The following SPIDR variants were observed in gnomAD, a reference collection of about 807,000 sequenced individuals.
SPIDR encodes the protein scaffold protein involved in DNA repair.
In SPIDR, 93 loss-of-function variants were observed where a neutral mutation model predicts 104.6. That is an observed-to-expected ratio of 0.89 (90% CI 0.75 to 1.06). The LOEUF is 1.06. Among genes scored for constraint, SPIDR ranks in the 50% least tolerant of loss-of-function variants. The pLI, the probability that SPIDR is intolerant of heterozygous loss-of-function variation, is 0.00. For synonymous variants in SPIDR, 431 were observed against 416.9 expected, an observed-to-expected ratio of 1.03 and a Z score of -0.41; for missense variants, 1,154 against 1,111.2, an observed-to-expected ratio of 1.04 and a Z score of -0.55.
At chr8:47,462,232 C>T (rs111955932) in intron 8 of SPIDR, among the ~76,000 whole-genome samples, 3,555 of 152,160 alleles carry the variant, frequency 0.023, 62 homozygotes, top group Non-Finnish European at 0.034. Flanking sequence ...CGACTAGTAC[C>T]GAGGGTTGTC....
intron 8 of SPIDR, among the ~76,000 whole-genome samples, chr8:47,443,720 G>A (rs1486675971): frequency 1.3e-5 from 2 of 149,942 alleles, no homozygotes; most frequent in African/African-American, 4.9e-5. Context: ...TTTCCCACTA[G>A]CACCCTTCTG....
chr8:47,578,998 ATTATCT>A (rs1479514367), intron 8 of SPIDR, among the ~76,000 whole-genome samples: 2 of 152,216 alleles, frequency 1.3e-5, no homozygotes, highest in Middle Eastern at 3.2e-3. Flanking sequence ...TATTTCTGAA[ATTATCT>A]TTATGCTTCA....
Position 47,652,670 on chromosome 8 carries a change from G to A in SPIDR, c.1545-21131G>A, listed in dbSNP as rs1169698867. On this transcript the variant is annotated intron_variant, in intron 10 of 19. Transcript: ENST00000297423. ...TTGTTTCTAAAACAGGTTTTCTTAG[G>A]ATTGCAGAATTTACAAAATTACCAT... is the stretch of plus-strand genomic sequence containing the variant. Among the ~76,000 whole-genome samples, 3 of 152,270 alleles carry A rather than the reference G, an allele frequency of 2.0e-5. No homozygotes were observed. In the East Asian group the frequency reaches 5.8e-4, roughly 29 times the overall value.
intron 5 of SPIDR, among the ~76,000 whole-genome samples, chr8:47,368,699 C>T (rs1384522142): frequency 6.6e-6 from 1 of 152,144 alleles, no homozygotes; most frequent in Non-Finnish European, 1.5e-5. Flanking sequence ...TTGTTAATAT[C>T]ACTAATAACT....
chr8:47,713,653 T>G lies in SPIDR; in HGVS notation c.2341+12T>G. 1 of 1,613,760 alleles carries G rather than the reference T, an allele frequency of 6.2e-7. No individual in the cohort carries two copies. Among genetic ancestry groups the G allele is most frequent in the African/African-American group, 1.3e-5 (1 of 75,044 alleles). On this transcript the variant is annotated intron_variant, in intron 16 of 19. Coordinates refer to ENST00000297423, the MANE Select transcript of SPIDR (RefSeq NM_001080394.4). Reference sequence around the variant, plus strand: ...CTGCAGTGTTCAAGGTAGGCAGCCATCTCACAGGAATTGGTGCTTATACTT... The same window carrying G: ...CTGCAGTGTTCAAGGTAGGCAGCCAGCTCACAGGAATTGGTGCTTATACTT...
chr8:47,586,316 A>G (rs2060246035), intron 8 of SPIDR, among the ~76,000 whole-genome samples: 1 of 152,196 alleles, frequency 6.6e-6, no homozygotes, highest in South Asian at 2.1e-4. Flanking sequence ...TCCAAAAGAA[A>G]AAAACTGCCA....
At chr8:47,669,883 C>T (rs2075564458) in intron 10 of SPIDR, among the ~76,000 whole-genome samples, 2 of 152,088 alleles carry the variant, frequency 1.3e-5, no homozygotes, top group Non-Finnish European at 2.9e-5. Flanking sequence ...ACCTATAGTC[C>T]CAGCTACTCG....
chr8:47,489,856 A>T (rs1273948102), intron 8 of SPIDR, among the ~76,000 whole-genome samples: 1 of 152,084 alleles, frequency 6.6e-6, no homozygotes, highest in African/African-American at 2.4e-5. Context: ...TTAATTCAAG[A>T]TGGATTAAAG....
intron 5 of SPIDR, among the ~76,000 whole-genome samples, chr8:47,369,132 A>C (rs368028880): frequency 6.6e-6 from 1 of 152,182 alleles, no homozygotes; most frequent in African/African-American, 2.4e-5. Flanking sequence ...ATGAAGAGAA[A>C]TGTGACTAAG....
At chr8:47,462,094 T>C (rs2074037829) in intron 8 of SPIDR, among the ~76,000 whole-genome samples, 1 of 152,146 alleles carries the variant, frequency 6.6e-6, no homozygotes, top group African/African-American at 2.4e-5. Context: ...GATTCTTTTG[T>C]CCCACAGGAT....
intron 5 of SPIDR, among the ~76,000 whole-genome samples, chr8:47,335,420 C>A (rs1482204437): frequency 1.3e-5 from 2 of 151,938 alleles, no homozygotes; most frequent in Non-Finnish European, 2.9e-5. Context: ...CACAACAGTT[C>A]ATTCTTTGTT....
chr8:47,303,301 G>A (rs958624907), intron 5 of SPIDR, among the ~76,000 whole-genome samples: 1 of 152,222 alleles, frequency 6.6e-6, no homozygotes, highest in Non-Finnish European at 1.5e-5. Flanking sequence ...GAAAAGCGCA[G>A]TATTAGGGTT....
chr8:47,482,845 G>T (rs1554728113), intron 8 of SPIDR, among the ~76,000 whole-genome samples: 1 of 151,710 alleles, frequency 6.6e-6, no homozygotes, highest in Non-Finnish European at 1.5e-5. Flanking sequence ...GTTTTGTTTT[G>T]TTTTGTTTGA....
At chr8:47,345,639 T>C (rs2051805529) in intron 5 of SPIDR, among the ~76,000 whole-genome samples, 4 of 152,210 alleles carry the variant, frequency 2.6e-5, no homozygotes, top group Admixed American at 2.6e-4. Context: ...TTTATTTCAT[T>C]GAGCAGTGGT....
chr8:47,705,344 C>G (rs2080927970), intron 14 of SPIDR, among the ~76,000 whole-genome samples: 1 of 152,132 alleles, frequency 6.6e-6, no homozygotes, highest in Non-Finnish European at 1.5e-5. Flanking sequence ...GCATGTGTGC[C>G]TAGGAATCAG....
At chr8:47,453,414 T>C (rs2072278967) in intron 8 of SPIDR, among the ~76,000 whole-genome samples, 1 of 152,136 alleles carries the variant, frequency 6.6e-6, no homozygotes, top group African/African-American at 2.4e-5. Flanking sequence ...GCCAAGAGAA[T>C]TTTAAGCCAA....
intron 8 of SPIDR, among the ~76,000 whole-genome samples, chr8:47,540,915 A>T (rs1045513363): frequency 2.6e-5 from 4 of 152,180 alleles, no homozygotes; most frequent in African/African-American, 4.8e-5. Flanking sequence ...GCTGGAGTGC[A>T]GTGGCGCGGT....
chr8:47,551,383 G>T lies in SPIDR; in HGVS notation c.1098-44428G>T, dbSNP rs1257576255. 7.2e-5 allele frequency among the ~76,000 whole-genome samples: 11 copies of T among 152,284 alleles called. No individual in the cohort carries two copies. In the East Asian group the frequency reaches 2.1e-3, roughly 29 times the overall value. On this transcript the variant is annotated intron_variant, in intron 8 of 19. Transcript: ENST00000297423. ...TTTGTTCCTCTGGTGGAATTTGGCT[G>T]TGAATCCATCTGGTCCTGAACTTTT...
chr8:47,422,263 T>C (rs1554681403), intron 7 of SPIDR, among the ~76,000 whole-genome samples: 2 of 152,126 alleles, frequency 1.3e-5, no homozygotes, highest in African/African-American at 4.8e-5. Flanking sequence ...CCACCCCGTT[T>C]GAGCTTCCTG....
Sources: allele counts gnomAD v4.1 joint callset (sites outside exome capture counted in the v4.1 genomes callset), GRCh38; gene constraint gnomAD v4.1.1; transcripts MANE v1.5; gene names NCBI Gene and HGNC (gene_info 2026-07-23, HGNC 2026-07-21).